FGD3: variants seen among roughly 807,000 people sequenced by gnomAD.
The protein encoded by FGD3 is FYVE, RhoGEF and PH domain-containing protein 3.
In FGD3, 45 loss-of-function variants were observed where a neutral mutation model predicts 71.8. The observed-to-expected ratio is 0.63, with a 90% CI of 0.49 to 0.80. FGD3 has a LOEUF of 0.80. Among genes scored for constraint, FGD3 ranks in the 30% least tolerant of loss-of-function variants. FGD3 has a pLI of 0.00. For missense variants in FGD3, 844 were observed against 951.5 expected (o/e 0.89, Z 1.49); for synonymous variants, 378 against 392.8 (o/e 0.96, Z 0.44).
At chr9:93,020,674 A>G (rs1429264242) in intron 13 of FGD3, 8 of 463,252 alleles carry the variant, frequency 1.7e-5, no homozygotes, top group East Asian at 4.1e-5. Context: ...TGAGACCAGA[A>G]TAGGTCCAGA....
At chr9:93,032,225 T>C (rs1174702612) in intron 15 of FGD3, among the ~76,000 whole-genome samples, 2 of 152,244 alleles carry the variant, frequency 1.3e-5, no homozygotes, top group Non-Finnish European at 2.9e-5. Context: ...CGAGTGGAAC[T>C]GTGGCATCAT....
intron 3 of FGD3, among the ~76,000 whole-genome samples, chr9:93,001,830 G>A (rs748228894): frequency 1.4e-4 from 21 of 152,106 alleles, no homozygotes; most frequent in Non-Finnish European, 2.1e-4. Flanking sequence ...GCCACAATAG[G>A]GCCTTCAGGA....
intron 3 of FGD3, among the ~76,000 whole-genome samples, chr9:93,002,010 A>G (rs1564157124): frequency 6.6e-6 from 1 of 152,162 alleles, no homozygotes; most frequent in Non-Finnish European, 1.5e-5. Context: ...TCAGGCCACC[A>G]TCTTGGAAGC....
chr9:93,023,895 A>T (rs13296088), intron 14 of FGD3, among the ~76,000 whole-genome samples: 48,474 of 146,624 alleles, frequency 0.33, 8,236 homozygotes, highest in Middle Eastern at 0.46. Flanking sequence ...TCCACTTCCC[A>T]GGTTCAAGTG....
At chr9:92,979,755 A>C (rs1280159213) in intron 3 of FGD3, among the ~76,000 whole-genome samples, 1 of 152,010 alleles carries the variant, frequency 6.6e-6, no homozygotes, top group Non-Finnish European at 1.5e-5. Flanking sequence ...TGTTTGGAGG[A>C]TCTTTATTAC....
chr9:93,007,489 C>T (rs1226955505), intron 6 of FGD3, among the ~76,000 whole-genome samples: 3 of 152,224 alleles, frequency 2.0e-5, no homozygotes, highest in Non-Finnish European at 4.4e-5. Context: ...ATAACCCCAT[C>T]TCTACTAAAA....
chr9:93,022,754 C>T (rs886967140), intron 14 of FGD3, among the ~76,000 whole-genome samples: 8 of 152,078 alleles, frequency 5.3e-5, no homozygotes, highest in African/African-American at 1.7e-4. Flanking sequence ...ATGTGTGAAT[C>T]GTCCCATAAA....
chr9:92,994,076 C>T (rs1223439748), intron 3 of FGD3, among the ~76,000 whole-genome samples: 1 of 152,144 alleles, frequency 6.6e-6, no homozygotes, highest in African/African-American at 2.4e-5. Flanking sequence ...GTTTACAGTC[C>T]CACCAACAGT....
intron 1 of FGD3, among the ~76,000 whole-genome samples, chr9:92,948,245 A>G (rs955105578): frequency 1.3e-5 from 2 of 151,998 alleles, no homozygotes; most frequent in East Asian, 3.9e-4. Flanking sequence ...TCTTTTTGTT[A>G]CCTTATTCTT....
In FGD3 at chr9:92,969,245, C is replaced by T. The variant is rs552541883; in HGVS notation, c.-217-5993C>T. On this transcript the variant is annotated intron_variant, in intron 1 of 17. Coordinates refer to ENST00000375482, the MANE Select transcript of FGD3 (RefSeq NM_001083536.2). The surrounding 1 kb of genome is among the most constrained non-coding windows in gnomAD (Gnocchi z 4.5). ...CATTGCATAAGGCTTCCCCCAAAGGCTTCAGGCCTGGCTGCCACCTGCTGT... is the reference window on the plus strand; with the variant it reads ...CATTGCATAAGGCTTCCCCCAAAGGTTTCAGGCCTGGCTGCCACCTGCTGT... Among the ~76,000 whole-genome samples, 17 of 152,366 alleles carry T rather than the reference C, an allele frequency of 1.1e-4. No homozygotes were observed. The South Asian group carries it at 3.5e-3, about 32-fold the overall frequency.
At chr9:92,995,368 T>C (rs1860594631) in intron 3 of FGD3, among the ~76,000 whole-genome samples, 4 of 152,190 alleles carry the variant, frequency 2.6e-5, no homozygotes, top group Admixed American at 2.6e-4. Context: ...CTTAAGGAGA[T>C]TTTGGGCTGA....
At chr9:92,981,730 G>A (rs1270913355) in intron 3 of FGD3, among the ~76,000 whole-genome samples, 1 of 152,154 alleles carries the variant, frequency 6.6e-6, no homozygotes, top group East Asian at 1.9e-4. Context: ...GAGGTTTGGT[G>A]CATAAATATT....
chr9:93,027,700 T>C (rs1288630017), intron 14 of FGD3, among the ~76,000 whole-genome samples: 1 of 146,560 alleles, frequency 6.8e-6, no homozygotes, highest in African/African-American at 2.5e-5. Context: ...GTTCAGTTCA[T>C]CTTTTTCTTT....
chr9:93,016,489 C>T (rs149816528), intron 10 of FGD3, among the ~76,000 whole-genome samples: 1,938 of 151,762 alleles, frequency 0.013, 35 homozygotes, highest in African/African-American at 0.044. Flanking sequence ...AGGTGTGTGC[C>T]ACCACACCCA....
intron 17 of FGD3, 76 bp from the exon 18 acceptor site, chr9:93,035,262 G>A: frequency 1.3e-6 from 2 of 1,538,772 alleles, no homozygotes; most frequent in Non-Finnish European, 1.7e-6. Context: ...GGCCTCCTGG[G>A]AGAGGCCCCC....
intron 3 of FGD3, among the ~76,000 whole-genome samples, chr9:93,000,464 G>A (rs1001647617): frequency 6.6e-6 from 1 of 151,908 alleles, no homozygotes; most frequent in African/African-American, 2.4e-5. Flanking sequence ...TTTTATTTTA[G>A]AGCACATTTA....
rs533337603 is a variant in FGD3 at position 93,006,163 on chromosome 9, G to A, written c.820G>A (p.Val274Ile). The A allele has an allele frequency of 6.5e-5, 103 of 1,589,834 alleles. No individual in the cohort carries two copies. Among genetic ancestry groups the A allele is most frequent in the Non-Finnish European group, 7.6e-5 (89 of 1,165,336 alleles). Residue 274 changes from valine (V) to isoleucine (I), a missense_variant, in exon 6 of 18, where the codon GTC becomes ATC. Coordinates refer to ENST00000375482, the MANE Select transcript of FGD3 (RefSeq NM_001083536.2). ...WTQRSPLFKD[V>I]VHSIQKQEVC... ...CCAGCGCTCCCCACTGTTTAAAGACGTCGTCCACAGCATCCAGGTAAGGCC... is the reference window on the plus strand; with the variant it reads ...CCAGCGCTCCCCACTGTTTAAAGACATCGTCCACAGCATCCAGGTAAGGCC...
intron 1 of FGD3, among the ~76,000 whole-genome samples, chr9:92,958,613 C>T (rs1195777378): frequency 6.6e-6 from 1 of 152,100 alleles, no homozygotes; most frequent in Non-Finnish European, 1.5e-5. Context: ...GGCTTAGTGC[C>T]TTTTATACTC....
At chr9:92,985,473 T>C (rs1323129715) in intron 3 of FGD3, among the ~76,000 whole-genome samples, 1 of 152,176 alleles carries the variant, frequency 6.6e-6, no homozygotes, top group Non-Finnish European at 1.5e-5. Context: ...CTATTTTTGT[T>C]TGTTTGTTTA....
Sources: allele counts gnomAD v4.1 joint callset (sites outside exome capture counted in the v4.1 genomes callset), GRCh38; gene constraint gnomAD v4.1.1; non-coding constraint Gnocchi (gnomAD v3.1); transcripts MANE v1.5; gene names NCBI Gene and HGNC (gene_info 2026-07-23, HGNC 2026-07-21).